Variants in CHN2 observed in about 807,000 individuals in gnomAD.
CHN2 encodes the protein beta-chimaerin.
CHN2 carries 35 observed loss-of-function variants against 56.3 expected under a neutral mutation model. The observed-to-expected ratio is 0.62, with a 90% CI of 0.47 to 0.82. The LOEUF is 0.82. CHN2 is among the 40% of genes least tolerant of loss of function. The pLI is 0.00. For synonymous variants in CHN2, 210 were observed against 212.8 expected, an observed-to-expected ratio of 0.99 and a Z score of 0.12; for missense variants, 491 against 580.5, an observed-to-expected ratio of 0.85 and a Z score of 1.58.
rs184301684 is a variant in CHN2, at chr7:29,178,535, C to T, written c.274+31575C>T. 2.4e-3 allele frequency among the ~76,000 whole-genome samples: 368 copies of T among 152,258 alleles called. 1 individual carries two copies. Among genetic ancestry groups the T allele is most frequent in the Admixed American group, 0.011 (164 of 15,298 alleles). On this transcript the variant is annotated intron_variant, in intron 2 of 6. Transcript: ENST00000439384. ...GTCTCTGCTGAAATGTCACATCCTC[C>T]GAGAGACGTTGCCTGACATGCTGTT... is the stretch of plus-strand genomic sequence containing the variant.
At chr7:29,344,849 A>G (rs993802988) in intron 1 of CHN2, among the ~76,000 whole-genome samples, 46 of 152,068 alleles carry the variant, frequency 3.0e-4, no homozygotes, top group African/African-American at 1.1e-3. Flanking sequence ...CAGCCTTCCA[A>G]AGGCTGAGGA....
At chr7:29,237,395 C>A (rs924831041) in intron 1 of CHN2, among the ~76,000 whole-genome samples, 1 of 152,106 alleles carries the variant, frequency 6.6e-6, no homozygotes, top group African/African-American at 2.4e-5. Context: ...TGCTTCAAAC[C>A]GCATATTTTT....
intron 3 of CHN2, among the ~76,000 whole-genome samples, chr7:29,390,127 G>A (rs985407863): frequency 6.6e-6 from 1 of 151,200 alleles, no homozygotes; most frequent in Non-Finnish European, 1.5e-5. Context: ...TCTGTGCCTT[G>A]GGAAGGACCC....
chr7:29,332,538 GGCA>G (rs1796307007), intron 1 of CHN2, among the ~76,000 whole-genome samples: 1 of 151,986 alleles, frequency 6.6e-6, no homozygotes, highest in South Asian at 2.1e-4. Flanking sequence ...CGCAATGCTG[GGCA>G]GTGGCAGTAA....
chr7:29,363,704 G>C (rs1798914978), intron 2 of CHN2, among the ~76,000 whole-genome samples: 1 of 152,184 alleles, frequency 6.6e-6, no homozygotes, highest in South Asian at 2.1e-4. Context: ...CTATATAAGA[G>C]AACAGAGGGA....
chr7:29,256,075 C>A (rs1014992027), intron 1 of CHN2, among the ~76,000 whole-genome samples: 2 of 152,064 alleles, frequency 1.3e-5, no homozygotes, highest in African/African-American at 4.8e-5. Context: ...TGCCTTTTTT[C>A]TTTCTTTTCG....
In CHN2 at chr7:29,499,961, C is replaced by A. The variant is rs145906178; in HGVS notation, c.834C>A (p.Asp278Glu). The A allele has an allele frequency of 1.2e-6, 2 of 1,610,474 alleles. No homozygotes were observed. The highest frequency in any genetic ancestry group is 2.2e-5 in the East Asian group (1 of 44,820). ...LKRIKKVYCC[D>E]LTTLVKAHNT... ...GGATCAAGAAAGTGTACTGTTGTGA[C>A]CTCACAACACTTGTGAAGGCTCACA... The change falls in exon 9 of 13, where the codon GAC (aspartate) becomes GAA (glutamate). Residue 278 changes from aspartate to glutamate, a missense_variant. Coordinates refer to ENST00000222792, the MANE Select transcript of CHN2 (RefSeq NM_004067.4).
Position 29,476,742 on chromosome 7 carries a change from G to C in CHN2, c.577-3537G>C, listed in dbSNP as rs535007985. On this transcript the variant is annotated intron_variant, in intron 6 of 12. Transcript: ENST00000222792. ...GAGACATTTTTTATTACATACTTAG[G>C]GGGAGGGGCTCTACTGGCATCTAGT... Among the ~76,000 whole-genome samples the C allele has an allele frequency of 1.2e-4, 19 of 152,052 alleles. 1 individual carries two copies. Among genetic ancestry groups the C allele is most frequent in the African/African-American group, 3.6e-4 (15 of 41,468 alleles).
chr7:29,210,959 G>A (rs113350930), intron 1 of CHN2, among the ~76,000 whole-genome samples: 4 of 152,322 alleles, frequency 2.6e-5, no homozygotes, highest in African/African-American at 9.6e-5. Context: ...GGATCATGGA[G>A]GGCCTCGTAG....
chr7:29,427,997 G>A (rs1041370304), intron 6 of CHN2, among the ~76,000 whole-genome samples: 5 of 152,122 alleles, frequency 3.3e-5, no homozygotes, highest in Non-Finnish European at 7.3e-5. Context: ...AATAGGTGGT[G>A]CAAGATGGTG....
intron 6 of CHN2, among the ~76,000 whole-genome samples, chr7:29,442,443 C>A (rs767989576): frequency 1.3e-5 from 2 of 152,130 alleles, no homozygotes; most frequent in Non-Finnish European, 2.9e-5. Context: ...GCTTTTATTT[C>A]GAAGGTGGAT....
intron 6 of CHN2, among the ~76,000 whole-genome samples, chr7:29,417,455 C>G (rs545154077): frequency 2.6e-5 from 4 of 151,966 alleles, no homozygotes; most frequent in African/African-American, 9.7e-5. Flanking sequence ...CCTGCCTCAG[C>G]CTCCCGAGTA....
At chr7:29,413,404 G>A (rs887181217) in intron 6 of CHN2, among the ~76,000 whole-genome samples, 13 of 152,162 alleles carry the variant, frequency 8.5e-5, no homozygotes, top group African/African-American at 3.1e-4. Flanking sequence ...AGTAAAAGCA[G>A]TTATATTTTA....
chr7:29,457,775 G>A (rs916388352), intron 6 of CHN2, among the ~76,000 whole-genome samples: 6 of 152,126 alleles, frequency 3.9e-5, no homozygotes, highest in African/African-American at 9.7e-5. Flanking sequence ...ATGGCAGTGC[G>A]CGCTTCCATT....
chr7:29,221,839 A>G (rs1785826047), intron 1 of CHN2, among the ~76,000 whole-genome samples: 1 of 152,044 alleles, frequency 6.6e-6, no homozygotes, highest in African/African-American at 2.4e-5. Context: ...TACATACTAC[A>G]TTTTCTTTAT....
intron 6 of CHN2, among the ~76,000 whole-genome samples, chr7:29,427,120 C>T (rs1454552553): frequency 1.3e-5 from 2 of 152,148 alleles, no homozygotes; most frequent in African/African-American, 4.8e-5. Flanking sequence ...GAGTTCGAGA[C>T]CAGCCTGGCC....
At chr7:29,220,637 A>G (rs1254358129) in intron 1 of CHN2, among the ~76,000 whole-genome samples, 1 of 152,324 alleles carries the variant, frequency 6.6e-6, no homozygotes, top group African/African-American at 2.4e-5. Flanking sequence ...TAAATTTATT[A>G]TTTAAATTGA....
At chr7:29,433,456 A>G (rs1171376420) in intron 6 of CHN2, among the ~76,000 whole-genome samples, 1 of 152,224 alleles carries the variant, frequency 6.6e-6, no homozygotes, top group Non-Finnish European at 1.5e-5. Flanking sequence ...TTTAATGGAT[A>G]TAGATTTTTT....
At chr7:29,473,961 T>C (rs1162292961) in intron 6 of CHN2, among the ~76,000 whole-genome samples, 3 of 150,780 alleles carry the variant, frequency 2.0e-5, no homozygotes, top group Non-Finnish European at 4.4e-5. Flanking sequence ...ATAGTCATTG[T>C]AGGAAACTCA....
Sources: allele counts gnomAD v4.1 joint callset (sites outside exome capture counted in the v4.1 genomes callset), GRCh38; gene constraint gnomAD v4.1.1; transcripts MANE v1.5; gene names NCBI Gene and HGNC (gene_info 2026-07-23, HGNC 2026-07-21).